Variants in LATS2 observed in about 807,000 individuals in gnomAD.
The protein encoded by LATS2 is large tumor suppressor kinase 2.
A neutral mutation model predicts 76.0 loss-of-function variants in LATS2; 24 were observed. The ratio of observed to expected loss-of-function variants is 0.32; its 90% CI spans 0.23 to 0.44. The LOEUF (loss-of-function observed/expected upper bound fraction) is 0.44. LATS2 is among the 20% of genes least tolerant of loss of function. The probability of loss-of-function intolerance (pLI) is 1.00; values close to 1 mark genes in which losing one functional copy is unlikely to be tolerated. For missense variants in LATS2, 1,286 were observed against 1,481.2 expected (o/e 0.87, Z 2.16); for synonymous variants, 692 against 635.4 (o/e 1.09, Z -1.34).
intron 2 of LATS2, among the ~76,000 whole-genome samples, chr13:21,042,836 T>C (rs1405831300): frequency 6.6e-6 from 1 of 151,260 alleles, no homozygotes; most frequent in East Asian, 1.9e-4. Context: ...TACAAAAAAT[T>C]AGCCGGGCGT....
At chr13:21,060,416 G>C (rs1873595596) in intron 1 of LATS2, among the ~76,000 whole-genome samples, 1 of 152,240 alleles carries the variant, frequency 6.6e-6, no homozygotes, top group Non-Finnish European at 1.5e-5. Context: ...GGCGTGTTAT[G>C]CAACGGCCGC....
intron 1 of LATS2, among the ~76,000 whole-genome samples, chr13:21,056,315 G>A (rs1375689722): frequency 2.6e-5 from 4 of 151,866 alleles, no homozygotes; most frequent in Non-Finnish European, 4.4e-5. Flanking sequence ...CTGGAATTAC[G>A]GGCATGAGCC....
chr13:20,987,850 A>T (rs1870229002), intron 4 of LATS2, 31 bp downstream of exon 4: 2 of 1,600,034 alleles, frequency 1.2e-6, no homozygotes, highest in Admixed American at 3.4e-5. Flanking sequence ...ATGAGCCGGG[A>T]ACAAATAGTA....
At chr13:21,012,590 C>A (rs143330178) in intron 2 of LATS2, among the ~76,000 whole-genome samples, 6 of 152,288 alleles carry the variant, frequency 3.9e-5, no homozygotes, top group African/African-American at 9.6e-5. Context: ...AATTTTCTAC[C>A]TAGTAGTGTT....
intron 2 of LATS2, among the ~76,000 whole-genome samples, chr13:20,995,839 A>T (rs1354638219): frequency 1.3e-5 from 2 of 152,246 alleles, no homozygotes; most frequent in Non-Finnish European, 2.9e-5. Flanking sequence ...TGCTCTTTGA[A>T]TGTGTGTATC....
At chr13:20,993,496 G>T (rs907142050) in intron 2 of LATS2, among the ~76,000 whole-genome samples, 5 of 152,102 alleles carry the variant, frequency 3.3e-5, no homozygotes, top group Non-Finnish European at 7.4e-5. Flanking sequence ...GACAGGCAAG[G>T]GGCTGCAGAG....
At chr13:21,025,226 A>G (rs899607033) in intron 2 of LATS2, among the ~76,000 whole-genome samples, 13 of 151,578 alleles carry the variant, frequency 8.6e-5, no homozygotes, top group African/African-American at 3.1e-4. Context: ...CTAAAAAAAA[A>G]AAAAAAAATA....
chr13:21,007,600 ATAGT>A (rs1302095190), intron 2 of LATS2, among the ~76,000 whole-genome samples: 13 of 6,572 alleles, frequency 2.0e-3, no homozygotes, highest in African/African-American at 6.0e-3. Flanking sequence ...ATATATATAT[ATAGT>A]GTGTATATAT....
At chr13:21,037,477 T>G (rs1872720809) in intron 2 of LATS2, among the ~76,000 whole-genome samples, 1 of 152,234 alleles carries the variant, frequency 6.6e-6, no homozygotes, top group African/African-American at 2.4e-5. Flanking sequence ...GACGTAATGC[T>G]TGTCTCTGTG....
Position 20,981,542 on chromosome 13 carries a change from C to T in LATS2, c.2589G>A (p.Lys863=). ...AATGTGCCAGGCACCTCTGGTGCTG[C>T]TTCCGCGCCCTCTGCTCTAGGGTCT... ...RLKTLEQRAR[K]QHQRCLAHSL... Residue 863 remains lysine, a synonymous_variant, in exon 6 of 8, where the codon AAG becomes AAA. Transcript: ENST00000382592. The T allele has an allele frequency of 6.2e-7, 1 of 1,614,168 alleles. No homozygotes were observed. Among genetic ancestry groups the T allele is most frequent in the African/African-American group, 1.3e-5 (1 of 75,056 alleles).
At chr13:21,015,230 C>T (rs1871754426) in intron 2 of LATS2, among the ~76,000 whole-genome samples, 1 of 152,202 alleles carries the variant, frequency 6.6e-6, no homozygotes, top group South Asian at 2.1e-4. Flanking sequence ...TACTCTTCTT[C>T]CATCATCAAA....
intron 7 of LATS2, 32 bp downstream of exon 7, chr13:20,979,659 A>G: frequency 4.1e-6 from 5 of 1,218,546 alleles, no homozygotes; most frequent in Middle Eastern, 1.9e-4. Flanking sequence ...AGATGTCTAC[A>G]GCAAGCAGAT....
intron 2 of LATS2, among the ~76,000 whole-genome samples, chr13:20,994,235 C>T (rs148990286): frequency 8.8e-4 from 134 of 152,320 alleles, no homozygotes; most frequent in African/African-American, 3.2e-3. Flanking sequence ...ACTCATGAGC[C>T]GGCTTGTTTA....
At position 20,991,069 on chromosome 13, in the gene LATS2, C is replaced by T. The variant is rs961231212; in HGVS notation, c.475+203G>A. On this transcript the variant is annotated intron_variant, in intron 3 of 7. Coordinates refer to ENST00000382592, the MANE Select transcript of LATS2 (RefSeq NM_014572.3). The surrounding 1 kb of genome is among the most constrained non-coding windows in gnomAD (Gnocchi z 4.9). ...TGGGGCAAGCGCCAGGCGTGTCCCA[C>T]GGTCTACCACTTGGGGCTGCTCCCG... 6.6e-6 allele frequency among the ~76,000 whole-genome samples: 1 copy of T among 152,266 alleles called. No homozygotes were observed. The highest frequency in any genetic ancestry group is 1.5e-5 in the Non-Finnish European group (1 of 68,046).
At chr13:21,023,362 G>A (rs1872150117) in intron 2 of LATS2, among the ~76,000 whole-genome samples, 1 of 151,784 alleles carries the variant, frequency 6.6e-6, no homozygotes, top group Non-Finnish European at 1.5e-5. Flanking sequence ...CCCCTCTCCA[G>A]GCCCAATTTT....
intron 2 of LATS2, among the ~76,000 whole-genome samples, chr13:21,035,288 A>G (rs1212016139): frequency 1.3e-5 from 2 of 152,166 alleles, no homozygotes; most frequent in Non-Finnish European, 2.9e-5. Flanking sequence ...GAAATTCATC[A>G]TAACCCTAGT....
chr13:21,031,716 T>C (rs913661835), intron 2 of LATS2, among the ~76,000 whole-genome samples: 3 of 152,086 alleles, frequency 2.0e-5, no homozygotes, highest in African/African-American at 7.2e-5. Flanking sequence ...AAAAGTGAGC[T>C]GAGCGTGGCG....
intron 6 of LATS2, 88 bp downstream of exon 6, chr13:20,981,378 G>A: frequency 8.1e-7 from 1 of 1,236,648 alleles, no homozygotes; most frequent in Non-Finnish European, 1.1e-6. Flanking sequence ...GAAGCATTAG[G>A]TCCTTGGAAA....
intron 4 of LATS2, among the ~76,000 whole-genome samples, chr13:20,986,538 C>T (rs766332713): frequency 3.9e-5 from 6 of 152,094 alleles, no homozygotes; most frequent in Non-Finnish European, 8.8e-5. Flanking sequence ...GGTTAGAACA[C>T]CACACACTGT....
Sources: allele counts gnomAD v4.1 joint callset (sites outside exome capture counted in the v4.1 genomes callset), GRCh38; gene constraint gnomAD v4.1.1; non-coding constraint Gnocchi (gnomAD v3.1); transcripts MANE v1.5; gene names NCBI Gene and HGNC (gene_info 2026-07-23, HGNC 2026-07-21).